ANKS1B: variants seen among roughly 807,000 people sequenced by gnomAD.
ANKS1B encodes ankyrin repeat and sterile alpha motif domain containing 1B.
In ANKS1B, 36 loss-of-function variants were observed where a neutral mutation model predicts 148.3. That is an observed-to-expected ratio of 0.24 (90% CI 0.19 to 0.32). The LOEUF (loss-of-function observed/expected upper bound fraction) is 0.32, where lower values mean the gene tolerates loss of function less well. ANKS1B is among the 10% of genes least tolerant of loss of function. The pLI is 1.00. For synonymous variants in ANKS1B, 542 were observed against 560.8 expected, an observed-to-expected ratio of 0.97 and a Z score of 0.47; for missense variants, 1,157 against 1,542.6, an observed-to-expected ratio of 0.75 and a Z score of 4.19.
intron 12 of ANKS1B, among the ~76,000 whole-genome samples, chr12:99,285,620 G>C (rs192676693): frequency 6.6e-6 from 1 of 152,298 alleles, no homozygotes; most frequent in East Asian, 1.9e-4. Context: ...AACCAGGTGA[G>C]TGATCATAGT....
chr12:99,155,997 T>TC (rs1158890252), intron 14 of ANKS1B, among the ~76,000 whole-genome samples: 2 of 152,074 alleles, frequency 1.3e-5, no homozygotes, highest in Non-Finnish European at 2.9e-5. Flanking sequence ...AACTCTCTCA[T>TC]CCCCCCAGAG....
chr12:99,824,475 G>C (rs553385961), intron 2 of ANKS1B, among the ~76,000 whole-genome samples: 1 of 151,952 alleles, frequency 6.6e-6, no homozygotes, highest in African/African-American at 2.4e-5. Flanking sequence ...ACTCCAGCCT[G>C]GGCGAAGGAG....
intron 12 of ANKS1B, among the ~76,000 whole-genome samples, chr12:99,296,355 G>T (rs2080869929): frequency 6.6e-6 from 1 of 152,128 alleles, no homozygotes; most frequent in Admixed American, 6.5e-5. Context: ...TTCTACAAAA[G>T]CCTGCTGGGA....
At chr12:98,897,004 T>C (rs2099765599) in intron 17 of ANKS1B, among the ~76,000 whole-genome samples, 1 of 152,110 alleles carries the variant, frequency 6.6e-6, no homozygotes, top group Non-Finnish European at 1.5e-5. Flanking sequence ...GGAAAGGAGG[T>C]GTAAATCACT....
At chr12:99,061,869 T>C (rs2042564070) in intron 16 of ANKS1B, among the ~76,000 whole-genome samples, 1 of 152,230 alleles carries the variant, frequency 6.6e-6, no homozygotes, top group Admixed American at 6.5e-5. Flanking sequence ...CTGTGTTTGT[T>C]GGCATTTCTC....
chr12:99,718,065 G>A (rs571889501), intron 8 of ANKS1B, among the ~76,000 whole-genome samples: 207 of 151,562 alleles, frequency 1.4e-3, no homozygotes, highest in Admixed American at 3.4e-3. Context: ...TACCACGCCC[G>A]GCTAATTTTT....
chr12:99,148,806 A>C (rs1360764511), intron 15 of ANKS1B, among the ~76,000 whole-genome samples: 2 of 152,126 alleles, frequency 1.3e-5, no homozygotes, highest in Non-Finnish European at 2.9e-5. Flanking sequence ...ACTTTTAGAT[A>C]CCAACAGATA....
intron 15 of ANKS1B, among the ~76,000 whole-genome samples, chr12:99,122,766 G>T (rs2063213999): frequency 6.6e-6 from 1 of 151,976 alleles, no homozygotes; most frequent in South Asian, 2.1e-4. Context: ...CTTTTAATAA[G>T]AAATATCATT....
intron 17 of ANKS1B, among the ~76,000 whole-genome samples, chr12:98,882,902 C>T (rs895933690): frequency 2.0e-5 from 3 of 152,146 alleles, no homozygotes; most frequent in Non-Finnish European, 2.9e-5. Context: ...AAATACCATG[C>T]AGTAATGAAA....
chr12:98,903,631 A>T (rs991052079), intron 17 of ANKS1B, among the ~76,000 whole-genome samples: 24 of 152,368 alleles, frequency 1.6e-4, no homozygotes, highest in Middle Eastern at 3.4e-3. Context: ...GGATCCAGTC[A>T]TGCCTGAAAC....
At chr12:99,823,571 G>A (rs1056169281) in intron 2 of ANKS1B, among the ~76,000 whole-genome samples, 1 of 152,166 alleles carries the variant, frequency 6.6e-6, no homozygotes, top group African/African-American at 2.4e-5. Flanking sequence ...CTCCCAAAGT[G>A]CTGGGATTAC....
intron 17 of ANKS1B, among the ~76,000 whole-genome samples, chr12:98,962,681 C>T (rs560444427): frequency 1.3e-4 from 20 of 152,082 alleles, no homozygotes; most frequent in Non-Finnish European, 2.6e-4. Context: ...CAAGGATAGA[C>T]TGTATGTTAG....
At chr12:98,795,097 C>T in intron 22 of ANKS1B, 1 of 563,538 alleles carries the variant, frequency 1.8e-6, no homozygotes, top group Non-Finnish European at 3.1e-6. Context: ...TATATTTTTC[C>T]TACCTTGCCA....
At chr12:99,582,627 C>T (rs544652210) in intron 9 of ANKS1B, among the ~76,000 whole-genome samples, 1 of 152,152 alleles carries the variant, frequency 6.6e-6, no homozygotes, top group Admixed American at 6.5e-5. Flanking sequence ...TAAATGAAGA[C>T]AACGCAATAC....
At chr12:99,976,301 T>C (rs1361967778) in intron 1 of ANKS1B, among the ~76,000 whole-genome samples, 1 of 152,246 alleles carries the variant, frequency 6.6e-6, no homozygotes, top group Admixed American at 6.5e-5. Flanking sequence ...AATATTTCCA[T>C]GTAACTAATC....
intron 25 of ANKS1B, among the ~76,000 whole-genome samples, chr12:98,758,344 C>T (rs2098313056): frequency 6.6e-6 from 1 of 152,122 alleles, no homozygotes; most frequent in Non-Finnish European, 1.5e-5. Flanking sequence ...TCTTCTTGAC[C>T]ATTACACCTT....
intron 17 of ANKS1B, among the ~76,000 whole-genome samples, chr12:98,989,482 G>A (rs2153275178): frequency 6.6e-6 from 1 of 152,200 alleles, no homozygotes; most frequent in East Asian, 1.9e-4. Flanking sequence ...CTATTTTTAT[G>A]CCAGTACCAG....
At chr12:99,846,600 G>A (rs887781866) in intron 1 of ANKS1B, among the ~76,000 whole-genome samples, 3 of 151,916 alleles carry the variant, frequency 2.0e-5, no homozygotes, top group Non-Finnish European at 2.9e-5. Context: ...TTTCAATAGC[G>A]ACTTAGGTTT....
chr12:99,372,395 A>C (rs1324224919), intron 12 of ANKS1B, among the ~76,000 whole-genome samples: 1 of 152,144 alleles, frequency 6.6e-6, no homozygotes, highest in African/African-American at 2.4e-5. Flanking sequence ...GAAACCACTT[A>C]GGGTTCTTAT....
Sources: gnomAD v4.1 joint callset for allele counts (sites outside exome capture counted in the v4.1 genomes callset) on GRCh38, gnomAD v4.1.1 for gene constraint, MANE v1.5 for transcripts, NCBI Gene and HGNC (gene_info 2026-07-23, HGNC 2026-07-21) for gene names.